PARVB: variants seen among roughly 807,000 people sequenced by gnomAD.
PARVB encodes parvin beta.
A neutral mutation model predicts 47.0 loss-of-function variants in PARVB; 46 were observed. That is an observed-to-expected ratio of 0.98 (90% CI 0.77 to 1.25). The LOEUF (loss-of-function observed/expected upper bound fraction) is 1.25. PARVB is among the 50% of genes most tolerant of loss of function. The pLI is 0.00. For synonymous variants in PARVB, 196 were observed against 196.3 expected (o/e 1.00, Z 0.01); for missense variants, 473 against 471.6 (o/e 1.00, Z -0.03).
chr22:44,077,455 C>G (rs2051802170), intron 1 of PARVB, among the ~76,000 whole-genome samples: 1 of 152,214 alleles, frequency 6.6e-6, no homozygotes, highest in Admixed American at 6.5e-5. Context: ...GCCACAGTCA[C>G]AGGTGTTGGG....
Position 43,999,241 on chromosome 22 carries a change from T to C in PARVB, c.-100T>C. On this transcript the variant is annotated 5_prime_UTR_variant, in exon 1 of 14. Coordinates refer to the PARVB transcript ENST00000406477. ...GCCCTACACTTTGACGTCCTCCCCA[T>C]CTCCGGCAGCTCCTTAAACTAAGAA... 15 of 951,846 alleles carry C rather than the reference T, an allele frequency of 1.6e-5. No homozygotes were observed. The South Asian group carries it at 2.5e-4, about 16-fold the overall frequency. The allele number at this position is 951,846 out of a possible 1,614,324, so 59.0% of individuals were successfully genotyped here.
intron 1 of PARVB, among the ~76,000 whole-genome samples, chr22:44,083,655 C>T (rs2051959041): frequency 6.6e-6 from 1 of 152,102 alleles, no homozygotes; most frequent in African/African-American, 2.4e-5. Context: ...GAGATATGAC[C>T]TACAGAAGTG....
At chr22:44,128,571 G>A in intron 4 of PARVB, among the ~76,000 whole-genome samples, 1 of 152,242 alleles carries the variant, frequency 6.6e-6, no homozygotes, top group South Asian at 2.1e-4. Flanking sequence ...TCTGTTGCCT[G>A]CTGTTTCCAC....
chr22:44,074,651 A>T (rs908207552), intron 1 of PARVB, among the ~76,000 whole-genome samples: 1 of 152,168 alleles, frequency 6.6e-6, no homozygotes, highest in Non-Finnish European at 1.5e-5. Flanking sequence ...GAGCCCCACC[A>T]TCCCTGAGAA....
chr22:44,092,962 G>A (rs2052207848), intron 1 of PARVB, among the ~76,000 whole-genome samples: 1 of 152,218 alleles, frequency 6.6e-6, no homozygotes, highest in Non-Finnish European at 1.5e-5. Flanking sequence ...ACAGCTCCGG[G>A]CACACTGGCC....
chr22:44,027,616 G>A (rs2050752006), intron 1 of PARVB, among the ~76,000 whole-genome samples: 1 of 152,162 alleles, frequency 6.6e-6, no homozygotes. Flanking sequence ...TGTATGTGTG[G>A]GCCAGGTGAG....
chr22:44,078,417 C>G (rs2051824597), intron 1 of PARVB, among the ~76,000 whole-genome samples: 1 of 152,182 alleles, frequency 6.6e-6, no homozygotes, highest in African/African-American at 2.4e-5. Context: ...TGCCACCATC[C>G]TGACCTTTTC....
At chr22:44,024,115 G>A (rs529437503), upstream of PARVB, among the ~76,000 whole-genome samples, 9 of 152,184 alleles carry the variant, frequency 5.9e-5, no homozygotes, top group South Asian at 1.9e-3. Context: ...TCCCGGGGTG[G>A]CCCCACGCCC....
At chr22:44,091,463 C>T (rs1450941288) in intron 1 of PARVB, among the ~76,000 whole-genome samples, 1 of 152,074 alleles carries the variant, frequency 6.6e-6, no homozygotes. Flanking sequence ...TGCCATCATT[C>T]AACACTACCT....
rs367906709 is a variant in PARVB at position 44,101,696 on chromosome 22, C to T, written c.273+1573C>T. Among the ~76,000 whole-genome samples, 293 of 150,544 alleles carry T rather than the reference C, an allele frequency of 1.9e-3. 2 individuals are homozygous for T. Among genetic ancestry groups the T allele is most frequent in the African/African-American group, 6.7e-3 (272 of 40,816 alleles). ...CTGAGAGGCAGATGTTGCGTTGAGC[C>T]GAGATCTCGCCACTGCACTCCAGCC... On this transcript the variant is annotated intron_variant, in intron 3 of 12. Coordinates refer to ENST00000338758, the MANE Select transcript of PARVB (RefSeq NM_013327.5).
At chr22:44,139,999 C>T in intron 7 of PARVB, 125 bp from the exon 8 acceptor site, 2 of 119,246 alleles carry the variant, frequency 1.7e-5, no homozygotes, top group Non-Finnish European at 2.9e-5. Context: ...TATCAGTAGG[C>T]CTTTACCTGG....
intron 1 of PARVB, among the ~76,000 whole-genome samples, chr22:44,038,750 C>G (rs1161794289): frequency 1.3e-5 from 2 of 152,040 alleles, no homozygotes. Flanking sequence ...CCACTGCACT[C>G]CAGCCTGGGC....
Position 44,103,862 on chromosome 22 carries a change from A to C in PARVB, c.273+3739A>C, listed in dbSNP as rs2052508275. ...AAAGAAATGGATTCTCCACTAGAGA[A>C]CCCAGAAGGAACCCTGGAGCCTCCA... is the stretch of plus-strand genomic sequence containing the variant. On this transcript the variant is annotated intron_variant, in intron 3 of 12. Coordinates refer to ENST00000338758, the MANE Select transcript of PARVB (RefSeq NM_013327.5). This position sits in a 1 kb window ranked among gnomAD's most constrained non-coding sequence, Gnocchi z 4.6. 1 of 152,230 alleles carries C rather than the reference A, an allele frequency of 6.6e-6. No individual in the cohort carries two copies. Among genetic ancestry groups the C allele is most frequent in the Non-Finnish European group, 1.5e-5 (1 of 68,074 alleles). 9.4% of individuals were successfully genotyped at this position (152,230 alleles called of 1,614,324 possible).
intron 1 of PARVB, among the ~76,000 whole-genome samples, chr22:44,026,084 G>A (rs1358260749): frequency 6.6e-6 from 1 of 152,228 alleles, no homozygotes; most frequent in African/African-American, 2.4e-5. Context: ...AGAATGGCAA[G>A]GAACCGGAAT....
chr22:44,130,268 G>A (rs754081246), intron 4 of PARVB, among the ~76,000 whole-genome samples: 3 of 152,324 alleles, frequency 2.0e-5, no homozygotes, highest in Admixed American at 6.5e-5. Flanking sequence ...CTGTGACGTC[G>A]CTTTTGTTGT....
At chr22:44,099,725 C>T (rs957679225) in intron 2 of PARVB, among the ~76,000 whole-genome samples, 7 of 152,178 alleles carry the variant, frequency 4.6e-5, no homozygotes, top group African/African-American at 1.4e-4. Flanking sequence ...TACCAGATTC[C>T]GGCCAGCGGA....
At chr22:44,033,080 C>G (rs1257537504) in intron 1 of PARVB, among the ~76,000 whole-genome samples, 1 of 152,178 alleles carries the variant, frequency 6.6e-6, no homozygotes, top group Non-Finnish European at 1.5e-5. Flanking sequence ...GGCTAGGAAG[C>G]ATCTCCAGTG....
chr22:44,015,051 A>G (rs1007378996), intron 2 of PARVB, among the ~76,000 whole-genome samples: 31 of 152,002 alleles, frequency 2.0e-4, no homozygotes, highest in African/African-American at 6.0e-4. Context: ...GGGTTTCACC[A>G]TGTTGGCCAG....
At chr22:44,096,357 C>A (rs1276243165) in intron 2 of PARVB, among the ~76,000 whole-genome samples, 1 of 152,178 alleles carries the variant, frequency 6.6e-6, no homozygotes, top group African/African-American at 2.4e-5. Flanking sequence ...AAGATCACAC[C>A]ACTGCACTCT....
Sources: allele counts gnomAD v4.1 joint callset (sites outside exome capture counted in the v4.1 genomes callset), GRCh38; gene constraint gnomAD v4.1.1; non-coding constraint Gnocchi (gnomAD v3.1); transcripts MANE v1.5; gene names NCBI Gene and HGNC (gene_info 2026-07-23, HGNC 2026-07-21).